KIRREL3: variants seen among roughly 807,000 people sequenced by gnomAD.
KIRREL3 encodes kirre like nephrin family adhesion molecule 3.
Under a neutral mutation model 89.7 loss-of-function variants are expected in KIRREL3, and 36 were observed. That is an observed-to-expected ratio of 0.40 (90% CI 0.31 to 0.53). The LOEUF (loss-of-function observed/expected upper bound fraction) is 0.53. Among genes scored for constraint, KIRREL3 ranks in the 20% least tolerant of loss-of-function variants. KIRREL3 has a pLI of 0.49. For missense variants in KIRREL3, 864 were observed against 1,056.6 expected, an observed-to-expected ratio of 0.82 and a Z score of 2.53; for synonymous variants, 445 against 441.4, an observed-to-expected ratio of 1.01 and a Z score of -0.10.
intron 1 of KIRREL3, among the ~76,000 whole-genome samples, chr11:126,745,163 T>C (rs534908393): frequency 4.9e-4 from 74 of 152,226 alleles, no homozygotes; most frequent in Non-Finnish European, 8.4e-4. Context: ...CCACACATAC[T>C]GGTTTCTCCC....
rs953957722 is a variant in KIRREL3 at position 126,708,686 on chromosome 11, C to G, written c.56-145774G>C. Among the ~76,000 whole-genome samples, 1 of 152,150 alleles carries G rather than the reference C, an allele frequency of 6.6e-6. No individual in the cohort carries two copies. Among genetic ancestry groups the G allele is most frequent in the Admixed American group, 6.5e-5 (1 of 15,276 alleles). The stretch of plus-strand genomic sequence containing the variant: ...ACCTGGGCACTCCTTGCTGATGGAC[C>G]GGGACCTCCTCTCCCATTTCTCCGG... On this transcript the variant is annotated intron_variant, in intron 1 of 16. Coordinates refer to ENST00000525144, the MANE Select transcript of KIRREL3 (RefSeq NM_032531.4). The surrounding 1 kb of genome is among the most constrained non-coding windows in gnomAD (Gnocchi z 5.7).
At position 126,462,257 on chromosome 11, in the gene KIRREL3, G is replaced by A. The variant is rs1956571909; in HGVS notation, c.742+900C>T. 6.6e-6 allele frequency among the ~76,000 whole-genome samples: 1 copy of A among 152,068 alleles called. No individual in the cohort carries two copies. The highest frequency in any genetic ancestry group is 2.4e-5 in the African/African-American group (1 of 41,382). On this transcript the variant is annotated intron_variant, in intron 6 of 16. Transcript: ENST00000525144. The surrounding 1 kb of genome is among the most constrained non-coding windows in gnomAD (Gnocchi z 4.8). ...AGTGTGGAGAGGATGTTACCAGGGT[G>A]GACTCTGGAAATCTATGCTACCTAA...
intron 1 of KIRREL3, among the ~76,000 whole-genome samples, chr11:126,589,884 C>T (rs1013419888): frequency 4.1e-4 from 63 of 152,268 alleles, no homozygotes; most frequent in African/African-American, 1.5e-3. Flanking sequence ...GCCTAGTGCC[C>T]CAGCTGCTGG....
chr11:126,587,723 G>A lies in KIRREL3; in HGVS notation c.56-24811C>T, dbSNP rs577633501. ...AATGGCTTTTACTTTTCACTAAATTGAAACCGCAGTACAATATATGTGAAT... is the reference window on the plus strand; with the variant it reads ...AATGGCTTTTACTTTTCACTAAATTAAAACCGCAGTACAATATATGTGAAT... On this transcript the variant is annotated intron_variant, in intron 1 of 16. Coordinates refer to ENST00000525144, the MANE Select transcript of KIRREL3 (RefSeq NM_032531.4). The surrounding 1 kb of genome is among the most constrained non-coding windows in gnomAD (Gnocchi z 5.2). 1.3e-5 allele frequency among the ~76,000 whole-genome samples: 2 copies of A among 152,320 alleles called. No individual in the cohort carries two copies. Among genetic ancestry groups the A allele is most frequent in the South Asian group, 4.1e-4 (2 of 4,822 alleles).
chr11:126,547,549 C>T (rs1315590124), intron 2 of KIRREL3, among the ~76,000 whole-genome samples: 2 of 152,186 alleles, frequency 1.3e-5, no homozygotes, highest in Non-Finnish European at 1.5e-5. Context: ...GTAGGGGACC[C>T]ACTGCTGGGG....
intron 1 of KIRREL3, among the ~76,000 whole-genome samples, chr11:126,839,400 G>T (rs184778088): frequency 1.3e-5 from 2 of 152,276 alleles, no homozygotes; most frequent in Admixed American, 6.5e-5. Context: ...ATAAATGTAA[G>T]GTTGGCATTA....
intron 11 of KIRREL3, among the ~76,000 whole-genome samples, chr11:126,438,785 G>C (rs574451240): frequency 1.3e-5 from 2 of 152,338 alleles, no homozygotes; most frequent in African/African-American, 4.8e-5. Flanking sequence ...TTGAGAAAGC[G>C]TGTAGCAGCA....
intron 1 of KIRREL3, among the ~76,000 whole-genome samples, chr11:126,888,906 C>A (rs949599795): frequency 2.6e-5 from 4 of 152,180 alleles, no homozygotes; most frequent in Non-Finnish European, 5.9e-5. Flanking sequence ...GTTCCTAACA[C>A]TCCTATGGGG....
At chr11:126,596,476 C>T (rs1157664568) in intron 1 of KIRREL3, among the ~76,000 whole-genome samples, 1 of 152,242 alleles carries the variant, frequency 6.6e-6, no homozygotes, top group Non-Finnish European at 1.5e-5. Context: ...TTTCACTATA[C>T]TCTGTCCCTT....
intron 2 of KIRREL3, among the ~76,000 whole-genome samples, chr11:126,560,280 C>A (rs150661178): frequency 1.3e-5 from 2 of 152,130 alleles, no homozygotes; most frequent in East Asian, 1.9e-4. Context: ...AGGACACACA[C>A]GCACACACAC....
intron 1 of KIRREL3, among the ~76,000 whole-genome samples, chr11:126,960,373 G>T (rs908321060): frequency 3.3e-5 from 5 of 152,104 alleles, no homozygotes. Flanking sequence ...ATATCCAGCC[G>T]AGGACACTGA....
Position 126,624,193 on chromosome 11 carries a change from C to A in KIRREL3, c.56-61281G>T, listed in dbSNP as rs557756209. ...GAATGAAGAACTAGAATACAGGGAGCCAGGGGGTGGCGGTGTGGCGGGGAG... is the reference window on the plus strand; with the variant it reads ...GAATGAAGAACTAGAATACAGGGAGACAGGGGGTGGCGGTGTGGCGGGGAG... On this transcript the variant is annotated intron_variant, in intron 1 of 16. Coordinates refer to ENST00000525144, the MANE Select transcript of KIRREL3 (RefSeq NM_032531.4). The surrounding 1 kb of genome is among the most constrained non-coding windows in gnomAD (Gnocchi z 6.0). Among the ~76,000 whole-genome samples, 8 of 152,052 alleles carry A rather than the reference C, an allele frequency of 5.3e-5. No homozygotes were observed. In the South Asian group the frequency reaches 1.7e-3, roughly 32 times the overall value.
rs186202964 is a variant in KIRREL3, at chr11:126,903,023, G to T, written c.55+97432C>A. ...AGGAAGCCCAGCGTCCTATGACCTT[G>T]TGAAAGAAGCAAAAAATAGCATCAT... On this transcript the variant is annotated intron_variant, in intron 1 of 16. Coordinates refer to ENST00000525144, the MANE Select transcript of KIRREL3 (RefSeq NM_032531.4). The surrounding 1 kb of genome is among the most constrained non-coding windows in gnomAD (Gnocchi z 4.5). Among the ~76,000 whole-genome samples the T allele has an allele frequency of 4.7e-3, 712 of 152,222 alleles. 4 individuals are homozygous for T. Among genetic ancestry groups the T allele is most frequent in the Non-Finnish European group, 7.0e-3 (476 of 68,006 alleles).
Position 126,685,871 on chromosome 11 carries a change from CT to C in KIRREL3, c.56-122960del, listed in dbSNP as rs373227914. Among the ~76,000 whole-genome samples the C allele has an allele frequency of 5.0e-3, 760 of 152,344 alleles. 8 individuals are homozygous for C. The highest frequency in any genetic ancestry group is 0.028 in the South Asian group (135 of 4,828). On this transcript the variant is annotated intron_variant, in intron 1 of 16. Coordinates refer to ENST00000525144, the MANE Select transcript of KIRREL3 (RefSeq NM_032531.4). This position sits in a 1 kb window ranked among gnomAD's most constrained non-coding sequence, Gnocchi z 5.5. Reference sequence around the variant, plus strand: ...CCCACTGGATCGGGGCCACTGGAGACTTTTTCCCTCATGCTGGGCTCTTCAC... The same window carrying C: ...CCCACTGGATCGGGGCCACTGGAGACTTTTCCCTCATGCTGGGCTCTTCAC...
chr11:126,507,066 A>G (rs1157634225), intron 4 of KIRREL3, among the ~76,000 whole-genome samples: 2 of 152,242 alleles, frequency 1.3e-5, no homozygotes, highest in African/African-American at 2.4e-5. Context: ...TACATGCTAC[A>G]ATACAGACAA....
intron 1 of KIRREL3, among the ~76,000 whole-genome samples, chr11:126,853,439 C>A (rs1650374475): frequency 6.6e-6 from 1 of 152,158 alleles, no homozygotes; most frequent in Non-Finnish European, 1.5e-5. Flanking sequence ...TAACTTCAAT[C>A]TCCATTTCTG....
intron 1 of KIRREL3, among the ~76,000 whole-genome samples, chr11:126,746,924 T>C (rs1056483787): frequency 1.3e-5 from 2 of 152,110 alleles, no homozygotes; most frequent in Non-Finnish European, 2.9e-5. Flanking sequence ...AGAGGAGTGG[T>C]TTGTGGACCA....
At position 126,808,563 on chromosome 11, in the gene KIRREL3, C is replaced by A. The variant is rs985844230; in HGVS notation, c.55+191892G>T. ...ACAAAAAGGTATTTTATGTCCTTAG[C>A]CTTATAAATCAATTTTAATTGTAAC... On this transcript the variant is annotated intron_variant, in intron 1 of 16. Transcript: ENST00000525144. The surrounding 1 kb of genome is among the most constrained non-coding windows in gnomAD (Gnocchi z 4.1). 6.6e-6 allele frequency among the ~76,000 whole-genome samples: 1 copy of A among 152,186 alleles called. No homozygotes were observed. Among genetic ancestry groups the A allele is most frequent in the Non-Finnish European group, 1.5e-5 (1 of 68,034 alleles).
chr11:126,497,240 G>A (rs979132407), intron 4 of KIRREL3, among the ~76,000 whole-genome samples: 1 of 151,266 alleles, frequency 6.6e-6, no homozygotes, highest in African/African-American at 2.4e-5. Context: ...GTGAGACAGT[G>A]TGAGTGTGTG....
Sources: allele counts gnomAD v4.1 joint callset (sites outside exome capture counted in the v4.1 genomes callset), GRCh38; gene constraint gnomAD v4.1.1; non-coding constraint Gnocchi (gnomAD v3.1); transcripts MANE v1.5; gene names NCBI Gene and HGNC (gene_info 2026-07-23, HGNC 2026-07-21).